The following UQCC1 variants were observed in gnomAD, a reference collection of about 807,000 sequenced individuals.
UQCC1 encodes bFGF-repressed Zic-binding protein.
In UQCC1, 38 loss-of-function variants were observed where a neutral mutation model predicts 48.0. The ratio of observed to expected loss-of-function variants is 0.79; its 90% CI spans 0.61 to 1.04. UQCC1 has a LOEUF of 1.04. Ranked by LOEUF, UQCC1 falls within the 50% of genes least tolerant of loss-of-function variation. The probability of loss-of-function intolerance (pLI) is 0.00; values close to 1 mark genes in which losing one functional copy is unlikely to be tolerated. For synonymous variants in UQCC1, 111 were observed against 129.2 expected (o/e 0.86, Z 0.95); for missense variants, 368 against 381.8 (o/e 0.96, Z 0.30).
Position 35,400,519 on chromosome 20 carries a change from G to A in UQCC1, c.25-6323C>T, listed in dbSNP as rs1378513645. 5.5e-5 allele frequency among the ~76,000 whole-genome samples: 8 copies of A among 146,690 alleles called. No homozygotes were observed. The East Asian group carries it at 6.0e-4, about 11-fold the overall frequency. Reference sequence around the variant, plus strand: ...TTTTTCTTTTTTTTTTTTTTGAGACGGAGTCTCGCTCCGTTGCCCAGGCTG... The same window carrying A: ...TTTTTCTTTTTTTTTTTTTTGAGACAGAGTCTCGCTCCGTTGCCCAGGCTG... On this transcript the variant is annotated intron_variant, in intron 1 of 9. Transcript: ENST00000374385.
chr20:35,321,140 G>C (rs2061119955), intron 7 of UQCC1, among the ~76,000 whole-genome samples: 1 of 152,200 alleles, frequency 6.6e-6, no homozygotes, highest in Non-Finnish European at 1.5e-5. Context: ...AGACAAGAGA[G>C]ACGGGGGACA....
At chr20:35,343,155 A>G (rs1486498820) in intron 7 of UQCC1, among the ~76,000 whole-genome samples, 1 of 152,156 alleles carries the variant, frequency 6.6e-6, no homozygotes, top group Non-Finnish European at 1.5e-5. Flanking sequence ...TAAATTCTAC[A>G]TTTTATATGT....
intron 7 of UQCC1, among the ~76,000 whole-genome samples, chr20:35,340,408 A>G (rs1219552448): frequency 2.6e-5 from 4 of 152,258 alleles, no homozygotes; most frequent in Non-Finnish European, 4.4e-5. Flanking sequence ...CCAACAGCTC[A>G]GGCCATTTTA....
Position 35,382,040 on chromosome 20 carries a change from AG to A in UQCC1, c.226-16del. 1 of 1,547,794 alleles carries A rather than the reference AG, an allele frequency of 6.5e-7. No homozygotes were observed. The highest frequency in any genetic ancestry group is 1.4e-5 in the African/African-American group (1 of 72,142). On this transcript the variant is annotated splice_polypyrimidine_tract_variant and intron_variant, in intron 3 of 9. Transcript: ENST00000374385. ...GTAGTAGAAAGCTGATTAACCAAAA[AG>A]AAAAAAACTAAAATTAGTTGCAAAA...
At chr20:35,374,841 C>T (rs1355680216) in intron 4 of UQCC1, among the ~76,000 whole-genome samples, 1 of 151,892 alleles carries the variant, frequency 6.6e-6, no homozygotes, top group Non-Finnish European at 1.5e-5. Context: ...TTTACTATTC[C>T]CAAAGCACTA....
chr20:35,341,358 A>G (rs963218587), intron 7 of UQCC1, among the ~76,000 whole-genome samples: 5 of 152,164 alleles, frequency 3.3e-5, no homozygotes, highest in African/African-American at 1.2e-4. Context: ...TGAACAGTTG[A>G]TGGTGGGGGA....
chr20:35,405,510 C>CT (rs2062238537), intron 1 of UQCC1, among the ~76,000 whole-genome samples: 2 of 152,216 alleles, frequency 1.3e-5, no homozygotes, highest in South Asian at 4.1e-4. Flanking sequence ...GAAACTGTCT[C>CT]TAAGAAAACC....
chr20:35,351,463 A>G (rs576055709), intron 6 of UQCC1, among the ~76,000 whole-genome samples: 1 of 152,074 alleles, frequency 6.6e-6, no homozygotes, highest in East Asian at 1.9e-4. Context: ...GCTACTTTAT[A>G]GGACACAGAG....
intron 7 of UQCC1, among the ~76,000 whole-genome samples, chr20:35,326,304 T>C (rs2061193075): frequency 6.6e-6 from 1 of 152,100 alleles, no homozygotes; most frequent in South Asian, 2.1e-4. Context: ...CTGAAGAAAG[T>C]GGAGAGAACA....
chr20:35,369,737 A>G (rs1459019171), intron 5 of UQCC1, among the ~76,000 whole-genome samples: 1 of 152,258 alleles, frequency 6.6e-6, no homozygotes, highest in Non-Finnish European at 1.5e-5. Context: ...GGTTAGTATT[A>G]AGTTAGTAGG....
intron 7 of UQCC1, 68 bp downstream of exon 7, chr20:35,347,096 G>C: frequency 1.2e-6 from 2 of 1,614,128 alleles, no homozygotes; most frequent in Non-Finnish European, 1.7e-6. Context: ...TTTTACAACA[G>C]ATAAAACTCC....
Position 35,338,123 on chromosome 20 carries a change from C to T in UQCC1, c.573+9041G>A, listed in dbSNP as rs140237419. Among the ~76,000 whole-genome samples the T allele has an allele frequency of 5.2e-4, 79 of 152,044 alleles. 1 individual carries two copies. The highest frequency in any genetic ancestry group is 1.6e-3 in the African/African-American group (68 of 41,458). ...GATGTAGAGACACTCAGACTCTAAACGATGGAAAAAGAAACAAATTCAGAA... is the reference window on the plus strand; with the variant it reads ...GATGTAGAGACACTCAGACTCTAAATGATGGAAAAAGAAACAAATTCAGAA... On this transcript the variant is annotated intron_variant, in intron 7 of 9. Transcript: ENST00000374385.
intron 5 of UQCC1, among the ~76,000 whole-genome samples, chr20:35,372,335 A>G (rs1271524352): frequency 6.6e-6 from 1 of 152,004 alleles, no homozygotes; most frequent in Non-Finnish European, 1.5e-5. Flanking sequence ...AAAGAAAAAA[A>G]GCAGTTTCTA....
At chr20:35,311,237 C>T (rs1055583621) in intron 8 of UQCC1, among the ~76,000 whole-genome samples, 5 of 152,096 alleles carry the variant, frequency 3.3e-5, no homozygotes, top group Non-Finnish European at 5.9e-5. Context: ...GCAATGGCAA[C>T]AGTTCACAGA....
rs1210976698 is a variant in UQCC1, at chr20:35,306,717, T to C, written c.714A>G (p.Lys238=). The C allele has an allele frequency of 5.0e-6, 8 of 1,613,950 alleles. No individual in the cohort carries two copies. The African/African-American group carries it at 8.0e-5, about 16-fold the overall frequency. Residue 238 remains lysine, a synonymous_variant, in exon 9 of 10, where the codon AAA becomes AAG. Coordinates refer to ENST00000374385, the MANE Select transcript of UQCC1 (RefSeq NM_018244.5). ...AALWRTFFNR[K]CEDPRHLELL... ...ATTCAAGATGTCGAGGGTCTTCACATTTCCGGTTGAAGAAGGTTCTCCAGA... is the reference window on the plus strand; with the variant it reads ...ATTCAAGATGTCGAGGGTCTTCACACTTCCGGTTGAAGAAGGTTCTCCAGA...
chr20:35,385,085 CG>C (rs2061924679), intron 2 of UQCC1, among the ~76,000 whole-genome samples: 1 of 151,574 alleles, frequency 6.6e-6, no homozygotes, highest in Admixed American at 6.6e-5. Flanking sequence ...GCAGCAGTGC[CG>C]TATATGGGGA....
chr20:35,337,888 G>A lies in UQCC1; in HGVS notation c.573+9276C>T, dbSNP rs11905455. On this transcript the variant is annotated intron_variant, in intron 7 of 9. Transcript: ENST00000374385. ...CTGCCTTTTCACCAGACCCCTCCCC[G>A]TCACGGTCTCCTCTAGAAACACATC... is the stretch of plus-strand genomic sequence containing the variant. 5.3e-4 allele frequency among the ~76,000 whole-genome samples: 80 copies of A among 151,992 alleles called. No homozygotes were observed. In the East Asian group the frequency reaches 9.1e-3, roughly 17 times the overall value.
At chr20:35,390,239 A>G (rs1173364334) in intron 2 of UQCC1, among the ~76,000 whole-genome samples, 2 of 152,128 alleles carry the variant, frequency 1.3e-5, no homozygotes, top group Non-Finnish European at 2.9e-5. Flanking sequence ...AGCCTGGCCA[A>G]CACAGTGAAA....
intron 2 of UQCC1, among the ~76,000 whole-genome samples, chr20:35,388,376 G>A (rs887587852): frequency 7.6e-6 from 1 of 131,472 alleles, no homozygotes; most frequent in South Asian, 2.4e-4. Context: ...CTGCAACTTT[G>A]ACCCCCCCAG....
Sources: allele counts gnomAD v4.1 joint callset (sites outside exome capture counted in the v4.1 genomes callset), GRCh38; gene constraint gnomAD v4.1.1; transcripts MANE v1.5; gene names NCBI Gene and HGNC (gene_info 2026-07-23, HGNC 2026-07-21).